CRTC3: variants seen among roughly 807,000 people sequenced by gnomAD.
The protein encoded by CRTC3 is CREB-regulated transcription coactivator 3.
In CRTC3, 26 loss-of-function variants were observed where a neutral mutation model predicts 74.5. The observed-to-expected ratio is 0.35, with a 90% confidence interval of 0.26 to 0.48. The LOEUF (loss-of-function observed/expected upper bound fraction) is 0.48, where lower values mean the gene tolerates loss of function less well. CRTC3 is among the 20% of genes least tolerant of loss of function. The pLI is 0.99. For missense variants in CRTC3, 760 were observed against 787.3 expected (o/e 0.97, Z 0.41); for synonymous variants, 377 against 325.8 (o/e 1.16, Z -1.69).
In CRTC3 at chr15:90,642,042, G is replaced by A. The variant is rs767822434; in HGVS notation, c.1762G>A (p.Glu588Lys). ...PFPLEEELQI[E>K]PLSLDGLNML... ...TCCACTGGAAGAGGAGCTGCAGATT[G>A]AACCCCTGAGCCTGGACGGACTCAA... is the stretch of plus-strand genomic sequence containing the variant. Residue 588 changes from glutamate to lysine, a missense_variant, in exon 15 of 15, where the codon GAA becomes AAA. Glu to Lys is a moderately conservative substitution (Grantham distance 56). Transcript: ENST00000268184. 1.2e-5 allele frequency: 20 copies of A among 1,613,852 alleles called. No homozygotes were observed. Among genetic ancestry groups the A allele is most frequent in the Non-Finnish European group, 1.7e-5 (20 of 1,180,026 alleles).
Position 90,625,885 on chromosome 15 carries a change from C to G in CRTC3, c.859C>G (p.Pro287Ala), listed in dbSNP as rs1399895172. ...LTNLHYSTPLPASLDTTDHHF... is the reference protein window; with the variant it reads ...LTNLHYSTPLAASLDTTDHHF... ...CAACCTCCACTACTCGACACCCCTG[C>G]CAGCCTCCCTGGACACCACCGACCA... The change falls in exon 10 of 15, where the codon CCA (proline) becomes GCA (alanine). Residue 287 changes from proline (P) to alanine (A), a missense_variant. Around this residue, in one of 2 missense-constraint regions of CRTC3, gnomAD observed 652 missense variants for 635.2 expected, o/e 1.03. Transcript: ENST00000268184. The G allele has an allele frequency of 6.2e-7, 1 of 1,614,136 alleles. No individual in the cohort carries two copies. The highest frequency in any genetic ancestry group is 8.5e-7 in the Non-Finnish European group (1 of 1,180,012).
intron 3 of CRTC3, chr15:90,600,691 G>A (rs1307609610): frequency 2.6e-5 from 4 of 152,214 alleles, no homozygotes; most frequent in African/African-American, 9.7e-5. Flanking sequence ...ACTCAGCACA[G>A]GCCTGGCACA....
At chr15:90,641,889 GCCT>G (rs759033858) in intron 14 of CRTC3, 40 bp from the exon 15 acceptor site, 3 of 1,576,362 alleles carry the variant, frequency 1.9e-6, no homozygotes, top group Admixed American at 1.7e-5. Context: ...GAGCCTTCGC[GCCT>G]CCTAACCGCA....
At chr15:90,553,573 A>G (rs1303309204) in intron 2 of CRTC3, among the ~76,000 whole-genome samples, 2 of 152,204 alleles carry the variant, frequency 1.3e-5, no homozygotes, top group African/African-American at 4.8e-5. Context: ...TTTGTTTGAA[A>G]TTATAGAAGG....
In CRTC3 at chr15:90,644,555, G is replaced by A. The variant is rs191540385; in HGVS notation, c.*2415G>A. On this transcript the variant is annotated 3_prime_UTR_variant, in exon 15 of 15. Transcript: ENST00000268184. ...AGGTGACTTGTGAAAACAGACCTCCGGGGAAGTGATTTATTGGGGGTGTAC... is the reference window on the plus strand; with the variant it reads ...AGGTGACTTGTGAAAACAGACCTCCAGGGAAGTGATTTATTGGGGGTGTAC... 8.2e-4 allele frequency: 192 copies of A among 232,820 alleles called. No individual in the cohort carries two copies. The highest frequency in any genetic ancestry group is 4.0e-3 in the African/African-American group (183 of 45,402). 14.4% of individuals were successfully genotyped at this position (232,820 alleles called of 1,614,324 possible). A position where few individuals can be genotyped will look rare whatever the true frequency, so the allele number is the denominator to read the frequency against.
intron 3 of CRTC3, chr15:90,595,976 G>T (rs182131944): frequency 6.6e-6 from 1 of 152,426 alleles, no homozygotes; most frequent in Admixed American, 6.5e-5. Flanking sequence ...AGGCAGCTCA[G>T]GGGCTGTGGG....
At chr15:90,640,962 A>G (rs1596155759) in intron 13 of CRTC3, 135 bp from the exon 14 acceptor site, 1 of 657,216 alleles carries the variant, frequency 1.5e-6, no homozygotes, top group East Asian at 2.7e-5. Flanking sequence ...AGAGCAAAGC[A>G]CTCTGGGATC....
Position 90,530,116 on chromosome 15 carries a change from C to A in CRTC3, c.45C>A (p.Phe15Leu). The stretch of plus-strand genomic sequence containing the variant: ...CGGGCAGCGCCAACCCGCGGAAGTT[C>A]AGTGAGAAGATCGCGCTGCACACGC... ...PGSGSANPRK[F>L]SEKIALHTQR... Residue 15 changes from phenylalanine (F) to leucine (L), a missense_variant, in exon 1 of 15, where the codon TTC becomes TTA. By Grantham distance (22) the Phe-to-Leu change is conservative. Around this residue, in one of 2 missense-constraint regions of CRTC3, gnomAD observed 108 missense variants for 152.1 expected, o/e 0.71. Transcript: ENST00000268184. The surrounding 1 kb of genome is among the most constrained non-coding windows in gnomAD (Gnocchi z 6.2). The A allele has an allele frequency of 1.4e-6, 2 of 1,459,268 alleles. No individual in the cohort carries two copies. Among genetic ancestry groups the A allele is most frequent in the East Asian group, 3.0e-5 (1 of 33,316 alleles). The allele number at this position is 1,459,268 out of a possible 1,614,324, so 90.4% of individuals were successfully genotyped here.
chr15:90,598,537 G>A (rs1238017332), intron 3 of CRTC3: 2 of 702,040 alleles, frequency 2.8e-6, no homozygotes, highest in African/African-American at 1.8e-5. Flanking sequence ...CAGAGGCTTG[G>A]GGAGAGAGAG....
chr15:90,596,565 G>A (rs1440061001), intron 3 of CRTC3: 1 of 152,042 alleles, frequency 6.6e-6, no homozygotes, highest in African/African-American at 2.4e-5. Context: ...CCTAAATTGG[G>A]TTCCTGGGAC....
At chr15:90,553,929 A>G (rs75249485) in intron 2 of CRTC3, among the ~76,000 whole-genome samples, 5,421 of 152,296 alleles carry the variant, frequency 0.036, 153 homozygotes, top group Non-Finnish European at 0.053. Flanking sequence ...CTTTGCCTTA[A>G]AATATTATGG....
Position 90,629,547 on chromosome 15 carries a change from A to G in CRTC3, c.1266+15A>G, listed in dbSNP as rs370002042. The G allele has an allele frequency of 6.2e-7, 1 of 1,612,466 alleles. No homozygotes were observed. The highest frequency in any genetic ancestry group is 1.3e-5 in the African/African-American group (1 of 74,878). ...CTACCTCCCAGGTAAACACACACAG[A>G]CAGACCAACCACTACAGTGAAACAG... On this transcript the variant is annotated intron_variant, in intron 11 of 14. Coordinates refer to ENST00000268184, the MANE Select transcript of CRTC3 (RefSeq NM_022769.5).
chr15:90,562,058 C>T lies in CRTC3; in HGVS notation c.231+21921C>T, dbSNP rs1313338867. Among the ~76,000 whole-genome samples the T allele has an allele frequency of 2.0e-5, 3 of 152,214 alleles. No homozygotes were observed. In the East Asian group the frequency reaches 5.8e-4, roughly 29 times the overall value. ...CGACAACAGATAGCTAATGTCTTAGCTCTTTTCTGTCTCTACCGCCAGCCT... is the reference window on the plus strand; with the variant it reads ...CGACAACAGATAGCTAATGTCTTAGTTCTTTTCTGTCTCTACCGCCAGCCT... On this transcript the variant is annotated intron_variant, in intron 2 of 14. Transcript: ENST00000268184.
At position 90,638,797 on chromosome 15, in the gene CRTC3, C is replaced by A. The variant is rs752469330; in HGVS notation, c.1530C>A (p.Gly510=). ...VGFDQQSMRP[G]PAFPQQVPLV... The stretch of plus-strand genomic sequence containing the variant: ...TTGACCAGCAGTCCATGAGGCCAGG[C>A]CCTGCCTTTCCTCAACAGGTGGGTG... Residue 510 remains glycine (G), a synonymous_variant, in exon 13 of 15, where the codon GGC becomes GGA. Transcript: ENST00000268184. 1 of 1,614,108 alleles carries A rather than the reference C, an allele frequency of 6.2e-7. No individual in the cohort carries two copies. The highest frequency in any genetic ancestry group is 2.2e-5 in the East Asian group (1 of 44,880).
chr15:90,542,797 G>T (rs1966824475), intron 2 of CRTC3, among the ~76,000 whole-genome samples: 1 of 152,180 alleles, frequency 6.6e-6, no homozygotes, highest in Non-Finnish European at 1.5e-5. Flanking sequence ...CTTAACGTTT[G>T]TGATCCTGTC....
rs1225347766 is a variant in CRTC3, at chr15:90,634,971, C to G, written c.1267-3475C>G. The G allele has an allele frequency of 4.5e-5, 67 of 1,478,818 alleles. No individual in the cohort carries two copies. The Middle Eastern group carries it at 6.8e-4, about 15-fold the overall frequency. 91.6% of individuals were successfully genotyped at this position (1,478,818 alleles called of 1,614,324 possible). The stretch of plus-strand genomic sequence containing the variant: ...AGAATATGGAGGCACCAAAGTAGTT[C>G]TAGATGACAAGGATTATTTCCTATT... On this transcript the variant is annotated intron_variant, in intron 11 of 14. Transcript: ENST00000268184.
chr15:90,574,110 A>T (rs1215558372), intron 2 of CRTC3, among the ~76,000 whole-genome samples: 2 of 152,248 alleles, frequency 1.3e-5, no homozygotes, highest in African/African-American at 2.4e-5. Context: ...ATTCTTTTAT[A>T]TGACTTTGTC....
At chr15:90,621,859 C>T (rs1054552590) in intron 9 of CRTC3, among the ~76,000 whole-genome samples, 2 of 152,166 alleles carry the variant, frequency 1.3e-5, no homozygotes, top group African/African-American at 4.8e-5. Flanking sequence ...TTATTGACCC[C>T]CTAATTCTTG....
chr15:90,572,473 A>T (rs767561841), intron 2 of CRTC3, among the ~76,000 whole-genome samples: 14 of 152,134 alleles, frequency 9.2e-5, no homozygotes, highest in Admixed American at 3.3e-4. Flanking sequence ...ATTAAGGTAG[A>T]TATTACCGTA....
Sources: allele counts gnomAD v4.1 joint callset (sites outside exome capture counted in the v4.1 genomes callset), GRCh38; gene constraint gnomAD v4.1.1; regional missense constraint gnomAD v4.1.1; non-coding constraint Gnocchi (gnomAD v3.1); transcripts MANE v1.5; gene names NCBI Gene and HGNC (gene_info 2026-07-23, HGNC 2026-07-21).